TNFRSF1B: variants seen among roughly 807,000 people sequenced by gnomAD.
TNFRSF1B encodes the protein tumor necrosis factor receptor superfamily member 1B.
A neutral mutation model predicts 44.6 loss-of-function variants in TNFRSF1B; 19 were observed. That is an observed-to-expected ratio of 0.43 (90% CI 0.30 to 0.62). The LOEUF (loss-of-function observed/expected upper bound fraction) is 0.62. TNFRSF1B is among the 20% of genes least tolerant of loss of function. TNFRSF1B has a pLI of 0.16. For missense variants in TNFRSF1B, 541 were observed against 619.9 expected, an observed-to-expected ratio of 0.87 and a Z score of 1.35; for synonymous variants, 252 against 261.1, an observed-to-expected ratio of 0.97 and a Z score of 0.34.
At position 12,169,028 on chromosome 1, in the gene TNFRSF1B, G is replaced by C. The variant is rs895376785; in HGVS notation, c.78+1859G>C. 3.3e-5 allele frequency among the ~76,000 whole-genome samples: 5 copies of C among 152,128 alleles called. No individual in the cohort carries two copies. The East Asian group carries it at 9.6e-4, about 29-fold the overall frequency. On this transcript the variant is annotated intron_variant, in intron 1 of 9. Coordinates refer to ENST00000376259, the MANE Select transcript of TNFRSF1B (RefSeq NM_001066.3). This position sits in a 1 kb window ranked among gnomAD's most constrained non-coding sequence, Gnocchi z 4.5. ...CATCGTGTGTGTCATTGTGCAAAAA[G>C]CATTGTCCGTGCCATCCCCTCTCCA... is the stretch of plus-strand genomic sequence containing the variant.
At chr1:12,197,695 C>G (rs532558425) in intron 8 of TNFRSF1B, among the ~76,000 whole-genome samples, 2 of 152,208 alleles carry the variant, frequency 1.3e-5, no homozygotes, top group Non-Finnish European at 2.9e-5. Flanking sequence ...AGCAGCTACT[C>G]CTGATAAGAG....
At chr1:12,183,627 GTTTTA>G (rs1165958115) in intron 1 of TNFRSF1B, among the ~76,000 whole-genome samples, 1 of 148,576 alleles carries the variant, frequency 6.7e-6, no homozygotes, top group African/African-American at 2.5e-5. Context: ...TTGTCTGTCT[GTTTTA>G]TCTATCTAGC....
intron 2 of TNFRSF1B, among the ~76,000 whole-genome samples, chr1:12,189,431 A>G (rs529053928): frequency 2.0e-5 from 3 of 152,168 alleles, no homozygotes; most frequent in South Asian, 4.1e-4. Context: ...GCGCAATGCC[A>G]TGTAGGTGCT....
rs1638737931 is a variant in TNFRSF1B, at chr1:12,179,348, A to G, written c.79-9448A>G. Among the ~76,000 whole-genome samples, 3 of 152,100 alleles carry G rather than the reference A, an allele frequency of 2.0e-5. No homozygotes were observed. In the South Asian group the frequency reaches 6.2e-4, roughly 32 times the overall value. ...GGCGTTGCTGTGACGACCTGGCCTG[A>G]TGTAGCTGCACCCTGCAGTCCATGG... is the stretch of plus-strand genomic sequence containing the variant. On this transcript the variant is annotated intron_variant, in intron 1 of 9. Coordinates refer to ENST00000376259, the MANE Select transcript of TNFRSF1B (RefSeq NM_001066.3).
intron 9 of TNFRSF1B, among the ~76,000 whole-genome samples, chr1:12,204,002 T>C (rs1639447590): frequency 6.6e-6 from 1 of 152,230 alleles, no homozygotes; most frequent in Non-Finnish European, 1.5e-5. Context: ...AGGGCTGGGA[T>C]TACAGGCGTG....
chr1:12,179,393 G>C (rs575088610), intron 1 of TNFRSF1B, among the ~76,000 whole-genome samples: 86 of 152,334 alleles, frequency 5.6e-4, no homozygotes, highest in African/African-American at 1.9e-3. Flanking sequence ...GAACCCCCAA[G>C]GTTGAGACCC....
intron 1 of TNFRSF1B, among the ~76,000 whole-genome samples, chr1:12,179,514 G>A (rs920569839): frequency 5.3e-5 from 8 of 152,206 alleles, no homozygotes; most frequent in African/African-American, 1.9e-4. Context: ...GGGTCCCTGG[G>A]TCCTTGGGCA....
rs1390376605 is a variant in TNFRSF1B at position 12,183,850 on chromosome 1, T to TCTATCTATCTATCTACCTAC, written c.79-4943_79-4942insTCTATCTATCTACCTACCTA. Reference sequence around the variant, plus strand: ...ACCTATCTATCTATCTATCTATCTATCTACCTACCTACCTACCTACATATC... The same window carrying TCTATCTATCTATCTACCTAC: ...ACCTATCTATCTATCTATCTATCTATCTATCTATCTATCTACCTACCTACCTACCTACCTACCTACATATC... On this transcript the variant is annotated intron_variant, in intron 1 of 9. Coordinates refer to ENST00000376259, the MANE Select transcript of TNFRSF1B (RefSeq NM_001066.3). Among the ~76,000 whole-genome samples the TCTATCTATCTATCTACCTAC allele has an allele frequency of 2.2e-3, 304 of 137,458 alleles. 6 individuals are homozygous for TCTATCTATCTATCTACCTAC. Among genetic ancestry groups the TCTATCTATCTATCTACCTAC allele is most frequent in the Middle Eastern group, 3.8e-3 (1 of 260 alleles). The allele number at this position is 137,458 out of a possible 152,430, so 90.2% of individuals were successfully genotyped here.
In TNFRSF1B at chr1:12,206,749, C is replaced by T. The variant is rs745744593; in HGVS notation, c.1115C>T (p.Pro372Leu). ...RASTGSSDSS[P>L]GGHGTQVNVT... The stretch of plus-strand genomic sequence containing the variant: ...ATCTTGTGCTTAGCAGATTCTTCCC[C>T]TGGTGGCCATGGGACCCAGGTCAAT... The change falls in exon 10 of 10, where the codon CCT (proline) becomes CTT (leucine). Residue 372 changes from proline (P) to leucine (L), a missense_variant. By Grantham distance (98) the Pro-to-Leu change is moderately conservative. Coordinates refer to ENST00000376259, the MANE Select transcript of TNFRSF1B (RefSeq NM_001066.3). 1 of 1,590,330 alleles carries T rather than the reference C, an allele frequency of 6.3e-7. No homozygotes were observed. Among genetic ancestry groups the T allele is most frequent in the Admixed American group, 1.7e-5 (1 of 58,880 alleles).
intron 9 of TNFRSF1B, among the ~76,000 whole-genome samples, chr1:12,206,345 T>G (rs1181501353): frequency 6.7e-6 from 1 of 149,960 alleles, no homozygotes; most frequent in Non-Finnish European, 1.5e-5. Flanking sequence ...CAGCACTCTT[T>G]TGAGACCCTG....
At chr1:12,182,393 C>T (rs541789386) in intron 1 of TNFRSF1B, among the ~76,000 whole-genome samples, 1 of 152,216 alleles carries the variant, frequency 6.6e-6, no homozygotes, top group Non-Finnish European at 1.5e-5. Flanking sequence ...CTCCCCGGCC[C>T]CGCACCTTGT....
chr1:12,183,280 G>A (rs545031036), intron 1 of TNFRSF1B, among the ~76,000 whole-genome samples: 2 of 152,140 alleles, frequency 1.3e-5, no homozygotes, highest in South Asian at 2.1e-4. Context: ...TCCGCTTGCC[G>A]CCATCCTGGC....
Position 12,207,042 on chromosome 1 carries a change from C to T in TNFRSF1B, c.*22C>T, listed in dbSNP as rs150675043. On this transcript the variant is annotated 3_prime_UTR_variant, in exon 10 of 10. Transcript: ENST00000376259. ...TTAACCAGGCCGGTGTGGGCTGTGT[C>T]GTAGCCAAGGTGGGCTGAGCCCTGG... The T allele has an allele frequency of 1.9e-4, 291 of 1,546,156 alleles. 1 individual carries two copies. The Middle Eastern group carries it at 2.5e-3, about 13-fold the overall frequency.
At chr1:12,198,594 G>T (rs372581210) in intron 8 of TNFRSF1B, among the ~76,000 whole-genome samples, 1 of 152,072 alleles carries the variant, frequency 6.6e-6, no homozygotes, top group Non-Finnish European at 1.5e-5. Context: ...GACCTGGCCC[G>T]TGGCTCTGCT....
At chr1:12,176,461 A>G (rs192155495) in intron 1 of TNFRSF1B, among the ~76,000 whole-genome samples, 3 of 152,242 alleles carry the variant, frequency 2.0e-5, no homozygotes, top group African/African-American at 7.2e-5. Context: ...CATCAGCCCC[A>G]GGAGGTATGT....
chr1:12,201,578 C>T (rs1381122973), intron 8 of TNFRSF1B, among the ~76,000 whole-genome samples: 1 of 151,880 alleles, frequency 6.6e-6, no homozygotes, highest in Non-Finnish European at 1.5e-5. Flanking sequence ...GTTTAGAGTC[C>T]ACACTCTTGG....
chr1:12,188,467 C>A (rs1056566206), intron 1 of TNFRSF1B, among the ~76,000 whole-genome samples: 4 of 152,140 alleles, frequency 2.6e-5, no homozygotes, highest in African/African-American at 7.2e-5. Context: ...TGCTGAGAAC[C>A]CCCGTTCTCT....
At chr1:12,202,280 C>G (rs1251386604) in intron 9 of TNFRSF1B, 109 bp downstream of exon 9, 2 of 1,449,726 alleles carry the variant, frequency 1.4e-6, no homozygotes, top group East Asian at 5.0e-5. Flanking sequence ...TGGGACGAGG[C>G]CTGAGCCACA....
chr1:12,202,315 C>G (rs1419937808), intron 9 of TNFRSF1B, 144 bp downstream of exon 9: 1 of 1,314,726 alleles, frequency 7.6e-7, no homozygotes, highest in Non-Finnish European at 1.0e-6. Context: ...GTTCGCTGAA[C>G]CTAAGTTCCC....
Sources: gnomAD v4.1 joint callset for allele counts (sites outside exome capture counted in the v4.1 genomes callset) on GRCh38, gnomAD v4.1.1 for gene constraint, Gnocchi (gnomAD v3.1) non-coding constraint, MANE v1.5 for transcripts, NCBI Gene and HGNC (gene_info 2026-07-23, HGNC 2026-07-21) for gene names.